PPM1H: variants seen among roughly 807,000 people sequenced by gnomAD.
PPM1H encodes the protein protein phosphatase, Mg2+/Mn2+ dependent 1H, also known as protein phosphatase 1H.
A neutral mutation model predicts 54.9 loss-of-function variants in PPM1H; 27 were observed. The ratio of observed to expected loss-of-function variants is 0.49; its 90% CI spans 0.36 to 0.68. The LOEUF is 0.68. Ranked by LOEUF, PPM1H falls within the 30% of genes least tolerant of loss-of-function variation. The pLI, the probability that PPM1H is intolerant of heterozygous loss-of-function variation, is 0.00. For missense variants in PPM1H, 596 were observed against 667.8 expected, an observed-to-expected ratio of 0.89 and a Z score of 1.19; for synonymous variants, 305 against 270.8, an observed-to-expected ratio of 1.13 and a Z score of -1.24.
intron 1 of PPM1H, among the ~76,000 whole-genome samples, chr12:62,903,587 T>C (rs1871223427): frequency 6.6e-6 from 1 of 152,128 alleles, no homozygotes; most frequent in East Asian, 1.9e-4. Context: ...TTAGATACAC[T>C]CAGACAGAAA....
chr12:62,782,629 C>G (rs1357389176), intron 4 of PPM1H, among the ~76,000 whole-genome samples: 1 of 152,206 alleles, frequency 6.6e-6, no homozygotes, highest in Non-Finnish European at 1.5e-5. Context: ...CTAGGAGACT[C>G]TCAAGCATGA....
At chr12:62,717,293 C>G (rs555800627) in intron 6 of PPM1H, among the ~76,000 whole-genome samples, 1 of 152,164 alleles carries the variant, frequency 6.6e-6, no homozygotes, top group Admixed American at 6.6e-5. Flanking sequence ...AGCCAACAGC[C>G]GTTTGGGGAA....
intron 6 of PPM1H, among the ~76,000 whole-genome samples, chr12:62,707,478 G>T (rs536977147): frequency 6.6e-6 from 1 of 152,108 alleles, no homozygotes; most frequent in Admixed American, 6.5e-5. Flanking sequence ...CTCTTTAACC[G>T]ACCACTTCTG....
At chr12:62,682,953 C>G (rs2076027963) in intron 8 of PPM1H, among the ~76,000 whole-genome samples, 1 of 151,708 alleles carries the variant, frequency 6.6e-6, no homozygotes, top group South Asian at 2.1e-4. Flanking sequence ...TCCCCAGTAG[C>G]TGAGACTACA....
intron 2 of PPM1H, among the ~76,000 whole-genome samples, chr12:62,814,371 AC>A (rs2120787690): frequency 6.6e-6 from 1 of 151,996 alleles, no homozygotes; most frequent in African/African-American, 2.4e-5. Flanking sequence ...GGCATGTGCC[AC>A]CACACCTGGC....
intron 1 of PPM1H, among the ~76,000 whole-genome samples, chr12:62,918,996 A>C (rs1287993563): frequency 6.6e-6 from 1 of 152,220 alleles, no homozygotes; most frequent in Non-Finnish European, 1.5e-5. Flanking sequence ...AAACATCTAA[A>C]GATAATTTGA....
At chr12:62,794,939 A>C (rs2076723533) in intron 3 of PPM1H, among the ~76,000 whole-genome samples, 1 of 152,200 alleles carries the variant, frequency 6.6e-6, no homozygotes, top group Admixed American at 6.5e-5. Flanking sequence ...TTAGGAAGCC[A>C]TGGCTCACTT....
At chr12:62,670,125 G>A (rs545070651) in intron 8 of PPM1H, among the ~76,000 whole-genome samples, 6 of 151,654 alleles carry the variant, frequency 4.0e-5, no homozygotes, top group African/African-American at 1.2e-4. Flanking sequence ...TTACAGGCAT[G>A]TGCCACCACG....
intron 1 of PPM1H, among the ~76,000 whole-genome samples, chr12:62,899,695 A>T (rs1871099960): frequency 6.6e-6 from 1 of 152,346 alleles, no homozygotes; most frequent in Admixed American, 6.5e-5. Flanking sequence ...ACTGAACTCA[A>T]CTGTAAAGAC....
intron 9 of PPM1H, among the ~76,000 whole-genome samples, chr12:62,654,612 TTCC>T (rs1327596676): frequency 7.9e-5 from 12 of 152,332 alleles, no homozygotes; most frequent in Middle Eastern, 3.4e-3. Context: ...CTTCCCTTCG[TTCC>T]TCCTCTAAAA....
Position 62,689,765 on chromosome 12 carries a change from C to T in PPM1H, c.1179G>A (p.Gly393=). 1 of 1,613,640 alleles carries T rather than the reference C, an allele frequency of 6.2e-7. No homozygotes were observed. The highest frequency in any genetic ancestry group is 1.1e-5 in the South Asian group (1 of 90,982). The part of the protein sequence containing the change: ...MATIGVTRGL[G]DHDLKVHDSN... The stretch of plus-strand genomic sequence containing the variant: ...AGTCATGCACCTTCAGGTCATGGTC[C>T]CCAAGTCCCCTGGTCACTCCAATAG... Residue 393 remains glycine (G), a synonymous_variant, in exon 8 of 10, where the codon GGG becomes GGA. Transcript: ENST00000228705.
At chr12:62,851,932 A>G (rs1194125444) in intron 1 of PPM1H, among the ~76,000 whole-genome samples, 6 of 151,956 alleles carry the variant, frequency 3.9e-5, no homozygotes, top group African/African-American at 1.2e-4. Context: ...GGATGCTGTT[A>G]AGAGATGGGG....
intron 4 of PPM1H, among the ~76,000 whole-genome samples, chr12:62,757,832 G>C (rs2076484948): frequency 6.6e-6 from 1 of 152,154 alleles, no homozygotes; most frequent in Admixed American, 6.5e-5. Context: ...CAGAACAAGA[G>C]GCTCTTAGAA....
chr12:62,904,856 A>G (rs1851876270), intron 1 of PPM1H, among the ~76,000 whole-genome samples: 1 of 152,204 alleles, frequency 6.6e-6, no homozygotes, highest in South Asian at 2.1e-4. Flanking sequence ...ATTTCTTAGA[A>G]AAAATCAATG....
At chr12:62,815,309 G>C (rs567198728) in intron 2 of PPM1H, among the ~76,000 whole-genome samples, 1 of 152,186 alleles carries the variant, frequency 6.6e-6, no homozygotes, top group African/African-American at 2.4e-5. Flanking sequence ...TGAATTGCAG[G>C]TTTCTTTGGT....
chr12:62,825,327 A>C (rs1459677601), intron 2 of PPM1H, among the ~76,000 whole-genome samples: 1 of 152,204 alleles, frequency 6.6e-6, no homozygotes, highest in Non-Finnish European at 1.5e-5. Flanking sequence ...CAGTGTGGTG[A>C]TTCCTCAGTG....
chr12:62,717,043 G>A (rs1423948350), intron 6 of PPM1H, among the ~76,000 whole-genome samples: 2 of 152,152 alleles, frequency 1.3e-5, no homozygotes, highest in African/African-American at 4.8e-5. Context: ...GCATGATTCT[G>A]GCTCACCGCA....
At chr12:62,866,235 G>A (rs1869771753) in intron 1 of PPM1H, among the ~76,000 whole-genome samples, 1 of 152,158 alleles carries the variant, frequency 6.6e-6, no homozygotes. Flanking sequence ...CCCACTGGGA[G>A]GTAAAGAGCC....
Position 62,908,255 on chromosome 12 carries a change from A to C in PPM1H, c.245+26237T>G, listed in dbSNP as rs544520988. 4.6e-5 allele frequency among the ~76,000 whole-genome samples: 7 copies of C among 152,106 alleles called. No homozygotes were observed. In the East Asian group the frequency reaches 1.4e-3, roughly 30 times the overall value. Reference sequence around the variant, plus strand: ...AACCCCATCTCTACTAAAAGTACAAAAATTAGCTAGGCGTGATGGTGGGCG... The same window carrying C: ...AACCCCATCTCTACTAAAAGTACAACAATTAGCTAGGCGTGATGGTGGGCG... On this transcript the variant is annotated intron_variant, in intron 1 of 9. Coordinates refer to ENST00000228705, the MANE Select transcript of PPM1H (RefSeq NM_020700.2).
Sources: gnomAD v4.1 joint callset for allele counts (sites outside exome capture counted in the v4.1 genomes callset) on GRCh38, gnomAD v4.1.1 for gene constraint, MANE v1.5 for transcripts, NCBI Gene and HGNC (gene_info 2026-07-23, HGNC 2026-07-21) for gene names.